Variants in DIAPH2 observed in about 807,000 individuals in gnomAD.
DIAPH2 encodes diaphanous related formin 2, also known as protein diaphanous homolog 2.
DIAPH2 carries 35 observed loss-of-function variants against 92.7 expected under a neutral mutation model. That is an observed-to-expected ratio of 0.38 (90% CI 0.29 to 0.50). The LOEUF is 0.50. DIAPH2 is among the 20% of genes least tolerant of loss of function. The pLI, the probability that DIAPH2 is intolerant of heterozygous loss-of-function variation, is 0.94. For synonymous variants in DIAPH2, 301 were observed against 280.4 expected (o/e 1.07, Z -0.73); for missense variants, 701 against 819.5 (o/e 0.86, Z 1.77).
In DIAPH2 at chrX:96,958,018, G is replaced by T; in HGVS notation, c.1805G>T (p.Gly602Val). 16 of 1,210,308 alleles carry T rather than the reference G, an allele frequency of 1.3e-5. No homozygotes were observed. Among genetic ancestry groups the T allele is most frequent in the Non-Finnish European group, 1.7e-5 (15 of 894,974 alleles). ...CCCCCACCACCACTTTTATTTGGGG[G>T]ACCTCCTCCACCACCACCCCTTGGA... ...PPPPPPLLFG[G>V]PPPPPPLGGV... Residue 602 changes from glycine (G) to valine (V), a missense_variant, in exon 16 of 27, where the codon GGA becomes GTA. This residue lies in a region of DIAPH2 where 536 missense variants were observed against 599.3 expected (regional missense o/e 0.89). Transcript: ENST00000324765.
intron 26 of DIAPH2, among the ~76,000 whole-genome samples, chrX:97,437,155 CT>C (rs1281690969): frequency 1.8e-5 from 2 of 111,574 alleles, no homozygotes; most frequent in Non-Finnish European, 3.8e-5. Context: ...ATTACTAGGT[CT>C]TGCTGGTCGT....
chrX:97,394,800 C>G (rs2147743249), intron 25 of DIAPH2, among the ~76,000 whole-genome samples: 1 of 111,769 alleles, frequency 8.9e-6, no homozygotes, highest in South Asian at 3.8e-4. Flanking sequence ...TAAACCACAC[C>G]CTGCTGGTTG....
chrX:97,366,408 T>G, intron 24 of DIAPH2, among the ~76,000 whole-genome samples: 1 of 112,257 alleles, frequency 8.9e-6, no homozygotes, highest in Non-Finnish European at 1.9e-5. Flanking sequence ...TCACTCTAAG[T>G]TGTGAAATCC....
chrX:96,705,947 A>C (rs961862213), intron 1 of DIAPH2, among the ~76,000 whole-genome samples: 1 of 112,451 alleles, frequency 8.9e-6, no homozygotes, highest in Non-Finnish European at 1.9e-5. Context: ...ACTTGTGCAC[A>C]GTTTGCAAAA....
chrX:96,728,054 A>AAAC (rs1246605068), intron 1 of DIAPH2, among the ~76,000 whole-genome samples: 33 of 45,219 alleles, frequency 7.3e-4, no homozygotes, highest in African/African-American at 4.3e-3. Context: ...AAAAAAAAAA[A>AAAC]AAGAAAAAAA....
At chrX:97,115,440 G>A (rs1392518647) in intron 21 of DIAPH2, among the ~76,000 whole-genome samples, 1 of 110,952 alleles carries the variant, frequency 9.0e-6, no homozygotes, top group Admixed American at 9.6e-5. Context: ...GGAGGCTGAG[G>A]CAGGAGAGTC....
chrX:97,329,512 C>G (rs1485555495), intron 23 of DIAPH2, among the ~76,000 whole-genome samples: 2 of 111,415 alleles, frequency 1.8e-5, no homozygotes, highest in African/African-American at 6.5e-5. Flanking sequence ...TTTTTTGAAA[C>G]TTCACTAAAC....
At chrX:97,166,814 A>C (rs911496138) in intron 22 of DIAPH2, among the ~76,000 whole-genome samples, 3 of 111,785 alleles carry the variant, frequency 2.7e-5, no homozygotes, top group Non-Finnish European at 5.6e-5. Flanking sequence ...CCCCTGCTCC[A>C]AACGGAACTA....
chrX:97,046,077 G>A (rs184816199), intron 17 of DIAPH2, among the ~76,000 whole-genome samples: 4 of 107,776 alleles, frequency 3.7e-5, no homozygotes, highest in Admixed American at 1.0e-4. Context: ...AAGCGGTCTC[G>A]AACTCCTGAC....
At chrX:97,458,186 A>G (rs898501991) in intron 26 of DIAPH2, among the ~76,000 whole-genome samples, 1 of 111,096 alleles carries the variant, frequency 9.0e-6, no homozygotes, top group African/African-American at 3.3e-5. Flanking sequence ...AGGGGTTGGG[A>G]TAATTGGGGG....
chrX:97,537,581 A>G (rs1010912877), intron 26 of DIAPH2, among the ~76,000 whole-genome samples: 1 of 111,663 alleles, frequency 9.0e-6, no homozygotes, highest in Non-Finnish European at 1.9e-5. Flanking sequence ...TAACAATAGA[A>G]GGAGAAATTG....
chrX:96,835,423 T>A (rs1380800534), intron 4 of DIAPH2, among the ~76,000 whole-genome samples: 1 of 111,894 alleles, frequency 8.9e-6, no homozygotes, highest in Non-Finnish European at 1.9e-5. Context: ...CAGGAGGGCA[T>A]TAAAAGCACC....
intron 25 of DIAPH2, among the ~76,000 whole-genome samples, chrX:97,392,712 A>G (rs1020144283): frequency 9.8e-5 from 11 of 111,797 alleles, no homozygotes; most frequent in Non-Finnish European, 2.1e-4. Flanking sequence ...CATCAAAACG[A>G]TTAAGAGAAT....
chrX:97,276,493 T>TG (rs1460292822), intron 23 of DIAPH2, among the ~76,000 whole-genome samples: 1 of 111,393 alleles, frequency 9.0e-6, no homozygotes, highest in Non-Finnish European at 1.9e-5. Context: ...CATCTTGTTT[T>TG]GCACTTCTAA....
chrX:97,027,469 A>G (rs779005023), intron 17 of DIAPH2, among the ~76,000 whole-genome samples: 5 of 112,177 alleles, frequency 4.5e-5, no homozygotes, highest in Non-Finnish European at 9.4e-5. Flanking sequence ...GTAATAAAAT[A>G]TAACCTCAAA....
At chrX:97,263,900 TTTTATTTA>T (rs10644882) in intron 23 of DIAPH2, among the ~76,000 whole-genome samples, 137 of 94,004 alleles carry the variant, frequency 1.5e-3, no homozygotes, top group African/African-American at 2.9e-3. Flanking sequence ...ACTGTTAGTT[TTTTATTTA>T]TTTATTTATT....
At chrX:97,597,419 G>C (rs1451739857) in intron 26 of DIAPH2, among the ~76,000 whole-genome samples, 1 of 112,013 alleles carries the variant, frequency 8.9e-6, no homozygotes, top group Non-Finnish European at 1.9e-5. Flanking sequence ...TTGCTGCAAA[G>C]CTGGGTTTTT....
intron 26 of DIAPH2, among the ~76,000 whole-genome samples, chrX:97,507,141 C>CAAAAAAAAAAAAAAAAAAAAAAAAA (rs397896097): frequency 9.6e-5 from 3 of 31,122 alleles, no homozygotes; most frequent in Admixed American, 5.2e-4. Flanking sequence ...ACAAAACCGA[C>CAAAAAAAAAAAAAAAAAAAAAAAAA]AAAAAAAAAA....
chrX:97,500,551 C>G (rs1198685157), intron 26 of DIAPH2, among the ~76,000 whole-genome samples: 2 of 109,479 alleles, frequency 1.8e-5, no homozygotes, highest in African/African-American at 6.6e-5. Context: ...CCTGTAGGGC[C>G]AGACTGATTA....
Sources: allele counts gnomAD v4.1 joint callset (sites outside exome capture counted in the v4.1 genomes callset), GRCh38; gene constraint gnomAD v4.1.1; regional missense constraint gnomAD v4.1.1; transcripts MANE v1.5; gene names NCBI Gene and HGNC (gene_info 2026-07-23, HGNC 2026-07-21).